Variants in NCOR2 observed in about 807,000 individuals in gnomAD.
The protein encoded by NCOR2 is nuclear receptor corepressor 2.
A neutral mutation model predicts 262.9 loss-of-function variants in NCOR2; 81 were observed. The observed-to-expected ratio is 0.31, with a 90% confidence interval of 0.26 to 0.37. The LOEUF (loss-of-function observed/expected upper bound fraction) is 0.37. NCOR2 is among the 10% of genes least tolerant of loss of function. The pLI is 1.00. For missense variants in NCOR2, 3,385 were observed against 3,621.4 expected, an observed-to-expected ratio of 0.93 and a Z score of 1.68; for synonymous variants, 1,659 against 1,559.3, an observed-to-expected ratio of 1.06 and a Z score of -1.51.
intron 20 of NCOR2, among the ~76,000 whole-genome samples, chr12:124,370,890 T>G (rs1171050624): frequency 1.3e-5 from 2 of 152,166 alleles, no homozygotes; most frequent in Non-Finnish European, 2.9e-5. Flanking sequence ...CCTCTGCACC[T>G]GTGATCCAAG....
At chr12:124,372,458 G>A (rs773708902) in exon 20 of NCOR2, 61 of 1,554,226 alleles carry the variant, frequency 3.9e-5, no homozygotes, top group Admixed American at 5.6e-5. Flanking sequence ...GTGGGGGCCG[G>A]GATGTCCTCC....
chr12:124,331,309 C>T (rs964761503), intron 43 of NCOR2, among the ~76,000 whole-genome samples: 9 of 152,102 alleles, frequency 5.9e-5, no homozygotes, highest in African/African-American at 1.2e-4. Flanking sequence ...ATGATCCACC[C>T]GCCTTGACCT....
At chr12:124,480,944 G>A (rs1593752002) in intron 3 of NCOR2, among the ~76,000 whole-genome samples, 1 of 151,732 alleles carries the variant, frequency 6.6e-6, no homozygotes, top group African/African-American at 2.4e-5. Flanking sequence ...AGGGGCGGCT[G>A]GGAGGTGAGG....
chr12:124,473,564 A>G (rs1324575763), intron 3 of NCOR2, among the ~76,000 whole-genome samples: 1 of 151,946 alleles, frequency 6.6e-6, no homozygotes, highest in African/African-American at 2.4e-5. Flanking sequence ...AATACTCCTT[A>G]ATAAACTCCC....
intron 27 of NCOR2, among the ~76,000 whole-genome samples, chr12:124,353,441 C>G (rs2037674677): frequency 6.6e-6 from 1 of 152,222 alleles, no homozygotes; most frequent in Non-Finnish European, 1.5e-5. Flanking sequence ...GGATTTGACG[C>G]TGCCTGAGTG....
chr12:124,433,476 C>T (rs376351922), intron 8 of NCOR2, among the ~76,000 whole-genome samples: 2 of 152,230 alleles, frequency 1.3e-5, no homozygotes, highest in Admixed American at 6.5e-5. Context: ...GCCGGCAGGG[C>T]GCTGGCAAGA....
intron 45 of NCOR2, among the ~76,000 whole-genome samples, chr12:124,327,123 G>A (rs945899086): frequency 1.3e-5 from 2 of 152,184 alleles, no homozygotes; most frequent in Non-Finnish European, 2.9e-5. Context: ...GGAGGAAGGC[G>A]GGAGGACTGG....
chr12:124,534,508 C>T (rs1020130843), intron 1 of NCOR2, among the ~76,000 whole-genome samples: 2 of 152,166 alleles, frequency 1.3e-5, no homozygotes, highest in South Asian at 2.1e-4. Flanking sequence ...GTCATATATG[C>T]GGTCCATCGT....
intron 1 of NCOR2, among the ~76,000 whole-genome samples, chr12:124,505,629 G>A (rs1165480410): frequency 2.0e-5 from 3 of 152,156 alleles, no homozygotes; most frequent in Admixed American, 1.3e-4. Flanking sequence ...CCTTGGGTGA[G>A]GTCCTGACCT....
Position 124,405,897 on chromosome 12 carries a change from G to A in NCOR2, c.1483-3336C>T, listed in dbSNP as rs569785433. 8.1e-4 allele frequency among the ~76,000 whole-genome samples: 124 copies of A among 152,246 alleles called. 2 individuals carry two copies. The highest frequency in any genetic ancestry group is 2.5e-3 in the African/African-American group (103 of 41,546). ...CAGAACTGCACCTGCTGGGCTTCCC[G>A]GGCCACTGGGGGCCATGGTTCTCAA... On this transcript the variant is annotated intron_variant, in intron 13 of 46. Transcript: ENST00000405201.
Position 124,380,310 on chromosome 12 carries a change from G to T in NCOR2, c.2020-1926C>A, listed in dbSNP as rs538693860. Among the ~76,000 whole-genome samples, 15 of 152,286 alleles carry T rather than the reference G, an allele frequency of 9.8e-5. 1 individual carries two copies. In the South Asian group the frequency reaches 3.1e-3, roughly 32 times the overall value. ...TCACTTCCTGTCCTGCCTTCTTCCT[G>T]AGCAAACAGGGTTCCTCTGAGCACA... On this transcript the variant is annotated intron_variant, in intron 17 of 46. Coordinates refer to ENST00000405201, the Ensembl canonical transcript of NCOR2.
At position 124,517,433 on chromosome 12, in the gene NCOR2, G is replaced by A. The variant is rs1036350721; in HGVS notation, c.-118+18132C>T. The stretch of plus-strand genomic sequence containing the variant: ...TTTCCAGTGTTTATCCCGGCTCCTC[G>A]CTGCCAAGTCCCTGGGCAAGCCTGG... On this transcript the variant is annotated intron_variant, in intron 1 of 46. Transcript: ENST00000404621. This position sits in a 1 kb window ranked among gnomAD's most constrained non-coding sequence, Gnocchi z 7.6. Among the ~76,000 whole-genome samples, 15 of 152,150 alleles carry A rather than the reference G, an allele frequency of 9.9e-5. No homozygotes were observed. Among genetic ancestry groups the A allele is most frequent in the Non-Finnish European group, 1.8e-4 (12 of 68,022 alleles).
intron 27 of NCOR2, among the ~76,000 whole-genome samples, chr12:124,351,729 T>C (rs1444783642): frequency 1.6e-5 from 2 of 126,276 alleles, no homozygotes; most frequent in Non-Finnish European, 3.3e-5. Context: ...TGGGACCTCC[T>C]TTCTGAGCCT....
exon 31 of NCOR2, chr12:124,346,742 G>T: frequency 1.3e-6 from 2 of 1,559,742 alleles, no homozygotes; most frequent in Admixed American, 1.9e-5. Context: ...GTAGGCCTCG[G>T]TCAGGTCCCG....
At chr12:124,342,323 C>T (rs1338288568) in intron 33 of NCOR2, among the ~76,000 whole-genome samples, 1 of 152,200 alleles carries the variant, frequency 6.6e-6, no homozygotes, top group Non-Finnish European at 1.5e-5. Context: ...CATCCCAATG[C>T]AGATTAACAC....
chr12:124,447,812 T>G (rs1337232387), intron 7 of NCOR2, among the ~76,000 whole-genome samples: 2 of 152,056 alleles, frequency 1.3e-5, no homozygotes, highest in African/African-American at 4.8e-5. Flanking sequence ...TTCTCCCTCC[T>G]TCGCCTCCTG....
In NCOR2 at chr12:124,566,720, C is replaced by T. The variant is rs761877649; in HGVS notation, c.-165+588G>A. Among the ~76,000 whole-genome samples the T allele has an allele frequency of 3.8e-4, 58 of 152,310 alleles. 1 individual carries two copies. In the Middle Eastern group the frequency reaches 0.02, roughly 54 times the overall value. On this transcript the variant is annotated intron_variant, in intron 1 of 32. Coordinates refer to the NCOR2 transcript ENST00000458234. The surrounding 1 kb of genome is among the most constrained non-coding windows in gnomAD (Gnocchi z 4.3). ...AGGCCCAGACACCAGGAACACCGGCCCGCGGGGGAGGGGGACCAGGGGCGA... is the reference window on the plus strand; with the variant it reads ...AGGCCCAGACACCAGGAACACCGGCTCGCGGGGGAGGGGGACCAGGGGCGA...
intron 24 of NCOR2, 115 bp from the exon 27 acceptor site, chr12:124,355,054 G>A (rs1428119938): frequency 2.4e-6 from 2 of 846,642 alleles, no homozygotes; most frequent in Non-Finnish European, 3.7e-6. Context: ...TGGGGCTGCT[G>A]TCCAGCTGTG....
At chr12:124,464,165 G>T (rs1186833148) in intron 5 of NCOR2, among the ~76,000 whole-genome samples, 1 of 151,692 alleles carries the variant, frequency 6.6e-6, no homozygotes, top group African/African-American at 2.4e-5. Context: ...TGAAAAAAGG[G>T]TTTTCAGTAT....
Sources: allele counts gnomAD v4.1 joint callset (sites outside exome capture counted in the v4.1 genomes callset), GRCh38; gene constraint gnomAD v4.1.1; non-coding constraint Gnocchi (gnomAD v3.1); transcripts MANE v1.5; gene names NCBI Gene and HGNC (gene_info 2026-07-23, HGNC 2026-07-21).